Variants in SV2C observed in about 807,000 individuals in gnomAD.
The protein encoded by SV2C is synaptic vesicle glycoprotein 2C, also known as solute carrier family 22 member B3.
Under a neutral mutation model 79.7 loss-of-function variants are expected in SV2C, and 49 were observed. That is an observed-to-expected ratio of 0.61 (90% CI 0.49 to 0.78). SV2C has a LOEUF of 0.78. SV2C is among the 30% of genes least tolerant of loss of function. SV2C has a pLI of 0.00. For missense variants in SV2C, 833 were observed against 912.9 expected (o/e 0.91, Z 1.13); for synonymous variants, 334 against 333.2 (o/e 1.00, Z -0.03).
chr5:76,098,752 A>G (rs767556015), intron 1 of SV2C, among the ~76,000 whole-genome samples: 3 of 152,236 alleles, frequency 2.0e-5, no homozygotes, highest in Non-Finnish European at 2.9e-5. Flanking sequence ...TCCACTTCCC[A>G]GAAAGCCTGA....
At chr5:76,026,248 G>A in the SV2C span, among the ~76,000 whole-genome samples, 1 of 112,204 alleles carries the variant, frequency 8.9e-6, no homozygotes, top group Admixed American at 9.4e-5. Flanking sequence ...ACACTTCAAT[G>A]CTATTAATAT....
chr5:76,051,435 G>A, the SV2C span, among the ~76,000 whole-genome samples: 3 of 152,120 alleles, frequency 2.0e-5, no homozygotes, highest in East Asian at 1.9e-4. Context: ...TATTGTAAGT[G>A]TTCAAAAATT....
At chr5:75,910,706 A>C in the SV2C span, 2 of 1,348,882 alleles carry the variant, frequency 1.5e-6, no homozygotes, top group Non-Finnish European at 1.1e-6. Flanking sequence ...GGAAGAGTTC[A>C]ACAAAGCCCA....
the SV2C span, among the ~76,000 whole-genome samples, chr5:75,944,027 T>A: frequency 6.6e-6 from 1 of 152,128 alleles, no homozygotes; most frequent in Non-Finnish European, 1.5e-5. Flanking sequence ...ACTAATTCTA[T>A]TTTTTTAAGA....
At chr5:75,898,775 C>G in the SV2C span, among the ~76,000 whole-genome samples, 4 of 152,272 alleles carry the variant, frequency 2.6e-5, no homozygotes, top group East Asian at 3.9e-4. Context: ...AGAGATTCAA[C>G]TTCCTCCTGG....
At chr5:76,033,658 G>A in the SV2C span, among the ~76,000 whole-genome samples, 16 of 152,308 alleles carry the variant, frequency 1.1e-4, no homozygotes, top group East Asian at 3.1e-3. Context: ...TAGCCTTGTA[G>A]TATAGTTTGA....
At position 76,285,202 on chromosome 5, in the gene SV2C, T is replaced by C. The variant is rs777718396; in HGVS notation, c.954T>C (p.Ser318=). ...FSMGSAYQFH[S]WRVFVIVCAL... ...TGGGATCGGCCTACCAGTTTCACAG[T>C]TGGCGTGTGTTTGTCATCGTCTGTG... is the stretch of plus-strand genomic sequence containing the variant. Residue 318 remains serine, a synonymous_variant, in exon 5 of 13, where the codon AGT becomes AGC. Transcript: ENST00000502798. 5 of 1,614,208 alleles carry C rather than the reference T, an allele frequency of 3.1e-6. No homozygotes were observed. The highest frequency in any genetic ancestry group is 4.2e-6 in the Non-Finnish European group (5 of 1,180,014).
upstream of SV2C, among the ~76,000 whole-genome samples, chr5:76,081,193 A>G (rs545576737): frequency 6.6e-6 from 1 of 152,210 alleles, no homozygotes; most frequent in Non-Finnish European, 1.5e-5. Context: ...ATAGGAGAAT[A>G]ATTTAAGGAA....
At chr5:76,079,452 G>C, upstream of SV2C, 1 of 295,870 alleles carries the variant, frequency 3.4e-6, no homozygotes. Context: ...ATACTGAAGA[G>C]GCACACCAAA....
chr5:75,943,095 G>A, the SV2C span, among the ~76,000 whole-genome samples: 1 of 152,188 alleles, frequency 6.6e-6, no homozygotes, highest in Non-Finnish European at 1.5e-5. Flanking sequence ...GTGGCCATTA[G>A]TGTAGCATTA....
intron 2 of SV2C, among the ~76,000 whole-genome samples, chr5:76,190,836 C>A (rs1442134558): frequency 6.6e-6 from 1 of 152,180 alleles, no homozygotes; most frequent in African/African-American, 2.4e-5. Context: ...CCATATTATT[C>A]TTTTCAACCA....
intron 2 of SV2C, among the ~76,000 whole-genome samples, chr5:76,178,567 C>T (rs1426062605): frequency 6.6e-6 from 1 of 152,150 alleles, no homozygotes; most frequent in Non-Finnish European, 1.5e-5. Flanking sequence ...ATTGCAATAA[C>T]ATGCACACTA....
the SV2C span, among the ~76,000 whole-genome samples, chr5:75,953,037 G>A: frequency 6.6e-6 from 1 of 151,944 alleles, no homozygotes; most frequent in African/African-American, 2.4e-5. Flanking sequence ...AAGAAAAAAA[G>A]GTTTATTTGG....
chr5:76,027,249 A>C, the SV2C span, among the ~76,000 whole-genome samples: 3 of 151,816 alleles, frequency 2.0e-5, no homozygotes, highest in Non-Finnish European at 4.4e-5. Flanking sequence ...TCTAGTAGAG[A>C]TAGGGTTTCA....
chr5:75,994,137 A>T, the SV2C span, among the ~76,000 whole-genome samples: 15 of 152,198 alleles, frequency 9.9e-5, no homozygotes, highest in Admixed American at 8.5e-4. Flanking sequence ...TTCTATTTTT[A>T]TCCCAATAAA....
intron 2 of SV2C, among the ~76,000 whole-genome samples, chr5:76,140,944 G>C (rs1402749327): frequency 6.6e-6 from 1 of 152,136 alleles, no homozygotes; most frequent in South Asian, 2.1e-4. Context: ...AAAGTTATTG[G>C]CTCATAGAGC....
intron 1 of SV2C, among the ~76,000 whole-genome samples, chr5:76,125,578 G>A (rs866192123): frequency 6.6e-6 from 1 of 152,158 alleles, no homozygotes; most frequent in Non-Finnish European, 1.5e-5. Context: ...GCTTTGTACT[G>A]TAACCCTCCT....
intron 1 of SV2C, among the ~76,000 whole-genome samples, chr5:76,129,119 A>C (rs945809699): frequency 6.6e-6 from 1 of 152,148 alleles, no homozygotes; most frequent in Non-Finnish European, 1.5e-5. Context: ...TTTTGGTTTA[A>C]CTCCGTATTT....
chr5:76,194,946 TG>T lies in SV2C; in HGVS notation c.613del (p.Ala205ArgfsTer18), dbSNP rs1744228660. 3 of 1,613,884 alleles carry T rather than the reference TG, an allele frequency of 1.9e-6. No individual in the cohort carries two copies. Among genetic ancestry groups the T allele is most frequent in the Non-Finnish European group, 2.5e-6 (3 of 1,179,932 alleles). On this transcript the variant is annotated frameshift_variant, in exon 3 of 13. Transcript: ENST00000502798. LOFTEE classifies it high-confidence loss of function. ...AGCATAGTGTACCTCGGGATGATGG[TG>T]GGGGCGTTCTTCTGGGGAGGACTGG... ...LGSIVYLGMM[V>X]GAFFWGGLAD...
Sources: gnomAD v4.1 joint callset for allele counts (sites outside exome capture counted in the v4.1 genomes callset) on GRCh38, gnomAD v4.1.1 for gene constraint, MANE v1.5 for transcripts, NCBI Gene and HGNC (gene_info 2026-07-23, HGNC 2026-07-21) for gene names.